CORIN: variants seen among roughly 807,000 people sequenced by gnomAD.
The protein encoded by CORIN is atrial natriuretic peptide-converting enzyme.
In CORIN, 117 loss-of-function variants were observed where a neutral mutation model predicts 125.3. That is an observed-to-expected ratio of 0.93 (90% CI 0.80 to 1.09). CORIN has a LOEUF of 1.09. Ranked by LOEUF, CORIN falls within the 50% of genes least tolerant of loss-of-function variation. The pLI is 0.00. For missense variants in CORIN, 1,253 were observed against 1,306.7 expected (o/e 0.96, Z 0.63); for synonymous variants, 450 against 466.4 (o/e 0.96, Z 0.45).
intron 4 of CORIN, among the ~76,000 whole-genome samples, chr4:47,762,686 A>G (rs1729523723): frequency 6.6e-6 from 1 of 152,098 alleles, no homozygotes; most frequent in Non-Finnish European, 1.5e-5. Flanking sequence ...AACTGATGAG[A>G]TTTAGTTGAG....
intron 5 of CORIN, among the ~76,000 whole-genome samples, chr4:47,710,273 GT>G (rs1203153259): frequency 2.6e-5 from 4 of 151,930 alleles, no homozygotes; most frequent in African/African-American, 9.7e-5. Flanking sequence ...TGAAAATAAC[GT>G]TCTTTTCCAC....
intron 4 of CORIN, among the ~76,000 whole-genome samples, chr4:47,753,304 G>A (rs1184229589): frequency 6.6e-6 from 1 of 152,142 alleles, no homozygotes; most frequent in Non-Finnish European, 1.5e-5. Flanking sequence ...AAGGTAAAGG[G>A]CAAAATTAGA....
intron 6 of CORIN, among the ~76,000 whole-genome samples, chr4:47,689,257 A>G (rs947270008): frequency 1.3e-5 from 2 of 152,176 alleles, no homozygotes; most frequent in African/African-American, 2.4e-5. Context: ...ACATTGGTCT[A>G]TATGCTTTAT....
chr4:47,651,705 G>C (rs1224553416), intron 13 of CORIN, among the ~76,000 whole-genome samples: 1 of 152,062 alleles, frequency 6.6e-6, no homozygotes, highest in Non-Finnish European at 1.5e-5. Context: ...TTTAATTTTT[G>C]ATAGAGATTA....
intron 19 of CORIN, among the ~76,000 whole-genome samples, chr4:47,615,815 T>C (rs1577739686): frequency 6.6e-6 from 1 of 150,986 alleles, no homozygotes; most frequent in Non-Finnish European, 1.5e-5. Context: ...ATGGCAGCCC[T>C]AGGAAATAAA....
At chr4:47,824,466 C>G (rs1446258432) in intron 1 of CORIN, among the ~76,000 whole-genome samples, 1 of 152,120 alleles carries the variant, frequency 6.6e-6, no homozygotes, top group African/African-American at 2.4e-5. Context: ...ACCAGGATGC[C>G]TTAGGAAAAG....
chr4:47,765,992 A>G (rs757925199), intron 3 of CORIN, among the ~76,000 whole-genome samples: 2 of 152,222 alleles, frequency 1.3e-5, no homozygotes, highest in Non-Finnish European at 2.9e-5. Context: ...TAACAGATGA[A>G]TATATTTTAT....
chr4:47,739,068 T>C (rs978565481), intron 5 of CORIN, among the ~76,000 whole-genome samples: 5 of 151,966 alleles, frequency 3.3e-5, no homozygotes, highest in African/African-American at 4.8e-5. Flanking sequence ...CCTTAATGAC[T>C]TGGAGGATGT....
At chr4:47,614,894 T>C (rs1384210547) in intron 19 of CORIN, among the ~76,000 whole-genome samples, 1 of 152,126 alleles carries the variant, frequency 6.6e-6, no homozygotes, top group Non-Finnish European at 1.5e-5. Context: ...AAAAAAAAAG[T>C]ACATAAACAA....
chr4:47,774,498 TA>T (rs1300917446), intron 3 of CORIN, among the ~76,000 whole-genome samples: 1 of 152,140 alleles, frequency 6.6e-6, no homozygotes, highest in Non-Finnish European at 1.5e-5. Flanking sequence ...TGATAAATAA[TA>T]AAATTATTAT....
intron 2 of CORIN, among the ~76,000 whole-genome samples, chr4:47,796,351 A>G (rs1731290424): frequency 1.3e-5 from 2 of 152,238 alleles, no homozygotes; most frequent in South Asian, 4.2e-4. Context: ...GACAAATACT[A>G]CATGATCACA....
At chr4:47,610,642 T>C (rs531774817) in intron 19 of CORIN, among the ~76,000 whole-genome samples, 3 of 152,320 alleles carry the variant, frequency 2.0e-5, no homozygotes, top group East Asian at 3.9e-4. Context: ...TTGCTTTCAA[T>C]ATTTTTGTCA....
intron 2 of CORIN, among the ~76,000 whole-genome samples, chr4:47,799,897 A>T (rs923118548): frequency 1.2e-4 from 19 of 152,250 alleles, no homozygotes; most frequent in Non-Finnish European, 4.4e-5. Flanking sequence ...TATCCATACA[A>T]TGAAATATTG....
chr4:47,738,485 C>A (rs908883774), intron 5 of CORIN, among the ~76,000 whole-genome samples: 1 of 152,138 alleles, frequency 6.6e-6, no homozygotes, highest in African/African-American at 2.4e-5. Context: ...CCAGACATGA[C>A]AAAGAACAAA....
At position 47,759,556 on chromosome 4, in the gene CORIN, C is replaced by G. The variant is rs189885785; in HGVS notation, c.617+3823G>C. Among the ~76,000 whole-genome samples the G allele has an allele frequency of 2.8e-4, 43 of 152,070 alleles. No individual in the cohort carries two copies. In the East Asian group the frequency reaches 5.8e-3, roughly 20 times the overall value. On this transcript the variant is annotated intron_variant, in intron 4 of 21. Coordinates refer to ENST00000273857, the MANE Select transcript of CORIN (RefSeq NM_006587.4). ...CTGATGACAAAATGATCAAAAAAACCTGAATAGACATTTCTCAAAAGAAGA... is the reference window on the plus strand; with the variant it reads ...CTGATGACAAAATGATCAAAAAAACGTGAATAGACATTTCTCAAAAGAAGA...
At chr4:47,683,563 C>T (rs1725381884) in intron 7 of CORIN, 168 bp downstream of exon 7, 2 of 553,128 alleles carry the variant, frequency 3.6e-6, no homozygotes, top group South Asian at 4.8e-5. Flanking sequence ...ACACATAAGA[C>T]ATTACTGAGG....
chr4:47,617,243 T>C (rs1181399602), intron 19 of CORIN, among the ~76,000 whole-genome samples: 3 of 152,200 alleles, frequency 2.0e-5, no homozygotes, highest in African/African-American at 7.2e-5. Context: ...TTGGGGTTTA[T>C]GATCATATAT....
chr4:47,757,895 T>TATAC (rs1729250784), intron 4 of CORIN, among the ~76,000 whole-genome samples: 1 of 144,950 alleles, frequency 6.9e-6, no homozygotes, highest in Non-Finnish European at 1.5e-5. Context: ...TATATATATA[T>TATAC]ATATATATAT....
chr4:47,608,732 G>C (rs527249443), intron 19 of CORIN, among the ~76,000 whole-genome samples: 1 of 151,924 alleles, frequency 6.6e-6, no homozygotes, highest in Non-Finnish European at 1.5e-5. Context: ...ATTAACTCTA[G>C]AGAAAAACAA....
Sources: gnomAD v4.1 joint callset for allele counts (sites outside exome capture counted in the v4.1 genomes callset) on GRCh38, gnomAD v4.1.1 for gene constraint, MANE v1.5 for transcripts, NCBI Gene and HGNC (gene_info 2026-07-23, HGNC 2026-07-21) for gene names.